TTBK2: variants seen among roughly 807,000 people sequenced by gnomAD.
TTBK2 encodes the protein tau tubulin kinase 2.
Under a neutral mutation model 110.8 loss-of-function variants are expected in TTBK2, and 28 were observed. The ratio of observed to expected loss-of-function variants is 0.25; its 90% CI spans 0.19 to 0.35. The LOEUF (loss-of-function observed/expected upper bound fraction) is 0.35, where lower values mean the gene tolerates loss of function less well. Ranked by LOEUF, TTBK2 falls within the 10% of genes least tolerant of loss-of-function variation. TTBK2 has a pLI of 1.00. For missense variants in TTBK2, 1,369 were observed against 1,500.3 expected, an observed-to-expected ratio of 0.91 and a Z score of 1.45; for synonymous variants, 532 against 527.3, an observed-to-expected ratio of 1.01 and a Z score of -0.12.
chr15:42,871,997 C>G (rs1026126893), intron 3 of TTBK2, among the ~76,000 whole-genome samples: 7 of 152,040 alleles, frequency 4.6e-5, no homozygotes, highest in Non-Finnish European at 1.0e-4. Flanking sequence ...AAGGTGAACA[C>G]AAACTAGCAA....
chr15:42,890,486 T>C (rs966500767), intron 1 of TTBK2, among the ~76,000 whole-genome samples: 4 of 152,226 alleles, frequency 2.6e-5, no homozygotes, highest in Admixed American at 6.5e-5. Context: ...CCTTATTAGA[T>C]AATAAACCAG....
chr15:42,815,958 A>AAAAAATATATATATATATATATATAT (rs71108183), intron 7 of TTBK2, among the ~76,000 whole-genome samples: 7 of 91,716 alleles, frequency 7.6e-5, no homozygotes, highest in South Asian at 3.4e-4. Context: ...TTAAAAAAAA[A>AAAAAATATATATATATATATATATAT]ATATATATAT....
intron 7 of TTBK2, among the ~76,000 whole-genome samples, chr15:42,816,565 C>T (rs1039642442): frequency 6.6e-6 from 1 of 152,070 alleles, no homozygotes; most frequent in African/African-American, 2.4e-5. Context: ...ATTAGTGCCA[C>T]ACAAGAATGA....
chr15:42,845,995 CGTCT>C (rs1028932377), intron 3 of TTBK2, among the ~76,000 whole-genome samples: 7 of 152,004 alleles, frequency 4.6e-5, no homozygotes, highest in South Asian at 2.1e-4. Context: ...ATAGGACCAC[CGTCT>C]GTCACTGAAC....
At chr15:42,807,240 C>T (rs1016153877) in intron 9 of TTBK2, among the ~76,000 whole-genome samples, 1 of 152,112 alleles carries the variant, frequency 6.6e-6, no homozygotes, top group Non-Finnish European at 1.5e-5. Context: ...ATATTAGCAA[C>T]GTTGTAGCAG....
At chr15:42,808,699 A>T (rs1285694597) in intron 9 of TTBK2, among the ~76,000 whole-genome samples, 1 of 152,008 alleles carries the variant, frequency 6.6e-6, no homozygotes, top group African/African-American at 2.4e-5. Context: ...AAAAAATAAA[A>T]AAAAAAAGCC....
intron 13 of TTBK2, among the ~76,000 whole-genome samples, chr15:42,766,462 A>AAAAAAAAAAAAAAAAAAAAAAC (rs1889381966): frequency 6.8e-6 from 1 of 146,896 alleles, no homozygotes; most frequent in Non-Finnish European, 1.5e-5. Flanking sequence ...AAAAAAAAAA[A>AAAAAAAAAAAAAAAAAAAAAAC]AAAAAGCAAG....
chr15:42,775,406 C>T lies in TTBK2; in HGVS notation c.1727G>A (p.Gly576Glu), dbSNP rs1324814983. Residue 576 changes from glycine (G) to glutamate (E), a missense_variant, in exon 13 of 15, where the codon GGA (glycine) becomes GAA (glutamate). Coordinates refer to ENST00000267890, the MANE Select transcript of TTBK2 (RefSeq NM_173500.4). The stretch of plus-strand genomic sequence containing the variant: ...TTCAGGCTCCTCATCAGAAGGACTT[C>T]CAGTTGTTTTATGTCCTACAGCCTC... ...TNEAVGHKTT[G>E]SPSDEEPEVL... 1.2e-6 allele frequency: 2 copies of T among 1,614,044 alleles called. No homozygotes were observed. The highest frequency in any genetic ancestry group is 1.7e-6 in the Non-Finnish European group (2 of 1,180,038).
At chr15:42,759,462 G>A (rs557735362) in intron 13 of TTBK2, among the ~76,000 whole-genome samples, 65 of 152,206 alleles carry the variant, frequency 4.3e-4, no homozygotes, top group Non-Finnish European at 7.6e-4. Context: ...CAGCAGCCAT[G>A]AGCCCATGTC....
At chr15:42,779,479 A>G (rs1890089093) in intron 11 of TTBK2, among the ~76,000 whole-genome samples, 1 of 152,072 alleles carries the variant, frequency 6.6e-6, no homozygotes, top group South Asian at 2.1e-4. Flanking sequence ...AACTATCTTG[A>G]AAGAATGAAG....
intron 3 of TTBK2, among the ~76,000 whole-genome samples, chr15:42,862,977 C>T (rs1052023478): frequency 6.6e-6 from 1 of 152,048 alleles, no homozygotes; most frequent in African/African-American, 2.4e-5. Flanking sequence ...TGGGTAAAAG[C>T]TAGAATCATT....
At chr15:42,770,225 T>C (rs1003031259) in intron 13 of TTBK2, among the ~76,000 whole-genome samples, 2 of 151,992 alleles carry the variant, frequency 1.3e-5, no homozygotes, top group African/African-American at 2.4e-5. Context: ...TGCACACGTA[T>C]CCTAGAACTT....
chr15:42,821,122 A>G (rs541451508), intron 6 of TTBK2, among the ~76,000 whole-genome samples: 1 of 152,352 alleles, frequency 6.6e-6, no homozygotes, highest in Non-Finnish European at 1.5e-5. Flanking sequence ...GAAAAAAAGA[A>G]AGGTATAGAA....
chr15:42,849,415 A>G (rs1893604570), intron 3 of TTBK2, among the ~76,000 whole-genome samples: 1 of 152,132 alleles, frequency 6.6e-6, no homozygotes, highest in African/African-American at 2.4e-5. Context: ...AAGTCTTTTT[A>G]ATATAATTTT....
intron 7 of TTBK2, among the ~76,000 whole-genome samples, chr15:42,813,232 G>T (rs1050022248): frequency 6.6e-6 from 1 of 152,076 alleles, no homozygotes; most frequent in Non-Finnish European, 1.5e-5. Context: ...AAATAAAAAG[G>T]ACAAATTGGC....
chr15:42,794,492 G>A (rs571456203), intron 10 of TTBK2, 152 bp downstream of exon 10: 5 of 1,032,420 alleles, frequency 4.8e-6, no homozygotes, highest in Non-Finnish European at 7.4e-6. Flanking sequence ...AATTCCAAAG[G>A]CGTACATAAG....
At chr15:42,851,906 G>C (rs1781114231) in intron 3 of TTBK2, among the ~76,000 whole-genome samples, 1 of 152,054 alleles carries the variant, frequency 6.6e-6, no homozygotes, top group Non-Finnish European at 1.5e-5. Flanking sequence ...ATGTTTATTA[G>C]TGAAATGGAG....
chr15:42,752,574 C>A lies in TTBK2; in HGVS notation c.2672G>T (p.Gly891Val), dbSNP rs565246063. 2.5e-6 allele frequency: 4 copies of A among 1,614,012 alleles called. No homozygotes were observed. The highest frequency in any genetic ancestry group is 3.4e-6 in the Non-Finnish European group (4 of 1,180,046). Residue 891 changes from glycine (G) to valine (V), a missense_variant, in exon 14 of 15, where the codon GGT becomes GTT. Physicochemically the swap from Gly to Val is moderately radical, Grantham distance 109 (BLOSUM62 -3). Around this residue, in one of 4 missense-constraint regions of TTBK2, gnomAD observed 1,097 missense variants for 1,114.7 expected, o/e 0.98. Transcript: ENST00000267890. The part of the protein sequence containing the change: ...DDDIMSEDLP[G>V]HQGDLSTFLH... ...AAAAGTAGAGAGGTCTCCTTGATGA[C>A]CTGGCAAGTCTTCACTCATGATGTC...
intron 3 of TTBK2, among the ~76,000 whole-genome samples, chr15:42,869,244 C>T (rs531439035): frequency 6.6e-6 from 1 of 151,902 alleles, no homozygotes; most frequent in Non-Finnish European, 1.5e-5. Context: ...CACGCCACCA[C>T]GCTTGGCTAA....
Sources: allele counts gnomAD v4.1 joint callset (sites outside exome capture counted in the v4.1 genomes callset), GRCh38; gene constraint gnomAD v4.1.1; regional missense constraint gnomAD v4.1.1; transcripts MANE v1.5; gene names NCBI Gene and HGNC (gene_info 2026-07-23, HGNC 2026-07-21).